The following MDGA2 variants were observed in gnomAD, a reference collection of about 807,000 sequenced individuals.
MDGA2 encodes MAM domain containing glycosylphosphatidylinositol anchor 2.
A neutral mutation model predicts 117.8 loss-of-function variants in MDGA2; 40 were observed. The observed-to-expected ratio is 0.34, with a 90% CI of 0.26 to 0.44. The LOEUF (loss-of-function observed/expected upper bound fraction) is 0.44, where lower values mean the gene tolerates loss of function less well. Among genes scored for constraint, MDGA2 ranks in the 20% least tolerant of loss-of-function variants. The pLI, the probability that MDGA2 is intolerant of heterozygous loss-of-function variation, is 1.00. For synonymous variants in MDGA2, 452 were observed against 439.0 expected (o/e 1.03, Z -0.37); for missense variants, 1,123 against 1,250.6 (o/e 0.90, Z 1.54).
At chr14:47,489,954 CAT>C (rs906982406) in intron 1 of MDGA2, among the ~76,000 whole-genome samples, 19 of 152,042 alleles carry the variant, frequency 1.2e-4, no homozygotes, top group African/African-American at 4.6e-4. Context: ...TCTTCATACT[CAT>C]ATATACTTTT....
At chr14:47,421,032 G>A (rs571124264) in intron 1 of MDGA2, among the ~76,000 whole-genome samples, 1 of 152,050 alleles carries the variant, frequency 6.6e-6, no homozygotes, top group Admixed American at 6.6e-5. Flanking sequence ...CTGAGAATAC[G>A]ATAGGAAGAG....
At chr14:47,140,186 ATACAAT>A (rs1463030632) in intron 4 of MDGA2, among the ~76,000 whole-genome samples, 3 of 152,062 alleles carry the variant, frequency 2.0e-5, no homozygotes, top group African/African-American at 7.2e-5. Context: ...ACTGAAGAGG[ATACAAT>A]TAAATTGGAA....
chr14:46,974,018 C>A (rs1886363587), intron 8 of MDGA2, among the ~76,000 whole-genome samples: 1 of 151,710 alleles, frequency 6.6e-6, no homozygotes, highest in Admixed American at 6.6e-5. Flanking sequence ...GAATGACAGG[C>A]ATAAGCCACC....
chr14:47,624,501 C>G (rs1897106345), intron 1 of MDGA2, among the ~76,000 whole-genome samples: 1 of 152,124 alleles, frequency 6.6e-6, no homozygotes. Flanking sequence ...AATGATAACT[C>G]TTTTCTATTT....
At chr14:47,478,347 T>A (rs1288460325) in intron 1 of MDGA2, among the ~76,000 whole-genome samples, 1 of 152,204 alleles carries the variant, frequency 6.6e-6, no homozygotes, top group East Asian at 1.9e-4. Flanking sequence ...TATTCCATGA[T>A]ATTTTTATTA....
chr14:47,516,962 TA>T (rs1213713620), intron 1 of MDGA2, among the ~76,000 whole-genome samples: 1 of 151,988 alleles, frequency 6.6e-6, no homozygotes, highest in Non-Finnish European at 1.5e-5. Flanking sequence ...TTATTGATAA[TA>T]AAAAAATTGC....
intron 1 of MDGA2, among the ~76,000 whole-genome samples, chr14:47,549,168 C>CT (rs1413399899): frequency 6.6e-6 from 1 of 152,008 alleles, no homozygotes; most frequent in African/African-American, 2.4e-5. Flanking sequence ...CAGGAAGCTG[C>CT]TGGTTGGTAA....
intron 8 of MDGA2, among the ~76,000 whole-genome samples, chr14:47,030,095 G>A (rs2138625674): frequency 6.6e-6 from 1 of 151,810 alleles, no homozygotes; most frequent in East Asian, 2.0e-4. Flanking sequence ...CAGAGCGCTG[G>A]GATTACAGGT....
rs1884623387 is a variant in MDGA2, at chr14:46,932,597, A to C, written c.2090-12437T>G. 2.0e-5 allele frequency among the ~76,000 whole-genome samples: 3 copies of C among 152,148 alleles called. No individual in the cohort carries two copies. The East Asian group carries it at 5.8e-4, about 29-fold the overall frequency. On this transcript the variant is annotated intron_variant, in intron 9 of 16. Coordinates refer to ENST00000399232, the MANE Select transcript of MDGA2 (RefSeq NM_001113498.3). ...AACCACTAGAAAGGCAAAGATAATT[A>C]AAATAAGGCCCACGATGATGCCCTC...
At chr14:47,421,303 G>A (rs939643944) in intron 1 of MDGA2, among the ~76,000 whole-genome samples, 4 of 152,090 alleles carry the variant, frequency 2.6e-5, no homozygotes, top group African/African-American at 9.7e-5. Flanking sequence ...AAGTCAATCA[G>A]CCAAGAAAAA....
intron 1 of MDGA2, among the ~76,000 whole-genome samples, chr14:47,636,784 CAAAAAAAAAAAAAAAAA>C (rs56313968): frequency 4.8e-4 from 22 of 45,990 alleles, no homozygotes; most frequent in Admixed American, 8.0e-4. Flanking sequence ...GACTCCGTCT[CAAAAAAAAAAAAAAAAA>C]AAAAAAAAAA....
At chr14:47,415,709 A>G (rs1173703261) in intron 1 of MDGA2, among the ~76,000 whole-genome samples, 1 of 152,172 alleles carries the variant, frequency 6.6e-6, no homozygotes, top group Non-Finnish European at 1.5e-5. Context: ...TTATTTATAA[A>G]GAACAACAAT....
rs1217263435 is a variant in MDGA2, at chr14:47,674,653, G to A, written c.144C>T (p.Ala48=). 3 of 1,466,566 alleles carry A rather than the reference G, an allele frequency of 2.0e-6. No individual in the cohort carries two copies. The highest frequency in any genetic ancestry group is 2.8e-6 in the Non-Finnish European group (3 of 1,070,378). The allele number at this position is 1,466,566 out of a possible 1,614,324, so 90.8% of individuals were successfully genotyped here. The change falls in exon 1 of 17, where the codon GCC becomes GCT. Residue 48 remains alanine (A), a synonymous_variant. Transcript: ENST00000399232. ...GCAACGGGACCTTCAGGAGGCCGGC[G>A]GCCAGCCAGGCGCGCTCCACTCGCG... is the stretch of plus-strand genomic sequence containing the variant. The part of the protein sequence containing the change: ...ARARVERAWL[A]AGLLKVPLRT...
chr14:47,133,107 TAAAA>T (rs555657080), intron 4 of MDGA2, among the ~76,000 whole-genome samples: 15 of 135,782 alleles, frequency 1.1e-4, no homozygotes, highest in Admixed American at 1.5e-4. Flanking sequence ...TCCTCAGTGG[TAAAA>T]AAAAAAAAAA....
At chr14:47,295,565 A>T (rs1341220575) in intron 2 of MDGA2, among the ~76,000 whole-genome samples, 2 of 152,148 alleles carry the variant, frequency 1.3e-5, no homozygotes, top group African/African-American at 4.8e-5. Flanking sequence ...CTGAGGAAAT[A>T]TTTTAAAACA....
intron 11 of MDGA2, among the ~76,000 whole-genome samples, chr14:46,879,530 C>G (rs1882363948): frequency 6.6e-6 from 1 of 151,992 alleles, no homozygotes; most frequent in Non-Finnish European, 1.5e-5. Flanking sequence ...ATTTTGAAAA[C>G]TTATTATTAA....
chr14:47,317,689 G>C (rs1386398111), intron 1 of MDGA2, among the ~76,000 whole-genome samples: 6 of 152,042 alleles, frequency 3.9e-5, no homozygotes, highest in Non-Finnish European at 7.4e-5. Flanking sequence ...ATAGGGAAAA[G>C]AGTAAAAAAC....
intron 2 of MDGA2, among the ~76,000 whole-genome samples, chr14:47,283,348 T>A (rs1004684989): frequency 2.0e-5 from 3 of 152,218 alleles, no homozygotes. Context: ...GGTATGCTCT[T>A]CTGAGAAGAT....
At chr14:47,154,629 C>T (rs1260598399) in intron 3 of MDGA2, among the ~76,000 whole-genome samples, 1 of 149,748 alleles carries the variant, frequency 6.7e-6, no homozygotes, top group Non-Finnish European at 1.5e-5. Flanking sequence ...CTGTCAAGAC[C>T]AGGCCTGGTG....
Sources: allele counts gnomAD v4.1 joint callset (sites outside exome capture counted in the v4.1 genomes callset), GRCh38; gene constraint gnomAD v4.1.1; transcripts MANE v1.5; gene names NCBI Gene and HGNC (gene_info 2026-07-23, HGNC 2026-07-21).